Variants in MAP4K3 observed in about 807,000 individuals in gnomAD.
MAP4K3 encodes the protein mitogen-activated protein kinase kinase kinase kinase 3.
Under a neutral mutation model 143.5 loss-of-function variants are expected in MAP4K3, and 94 were observed. That is an observed-to-expected ratio of 0.65 (90% CI 0.55 to 0.78). MAP4K3 has a LOEUF of 0.78. MAP4K3 is among the 30% of genes least tolerant of loss of function. The probability of loss-of-function intolerance (pLI) is 0.00; values close to 1 mark genes in which losing one functional copy is unlikely to be tolerated. For synonymous variants in MAP4K3, 416 were observed against 347.2 expected, an observed-to-expected ratio of 1.20 and a Z score of -2.20; for missense variants, 1,077 against 1,068.1, an observed-to-expected ratio of 1.01 and a Z score of -0.12.
At chr2:39,358,973 T>C (rs1180700462) in intron 2 of MAP4K3, among the ~76,000 whole-genome samples, 2 of 152,146 alleles carry the variant, frequency 1.3e-5, no homozygotes, top group African/African-American at 2.4e-5. Context: ...TGTCCTCACA[T>C]TTCAAGTCAC....
At chr2:39,265,617 C>G (rs984571732) in intron 27 of MAP4K3, among the ~76,000 whole-genome samples, 1 of 152,106 alleles carries the variant, frequency 6.6e-6, no homozygotes, top group African/African-American at 2.4e-5. Flanking sequence ...CCTGAGGTGG[C>G]AACATTCTGA....
chr2:39,312,120 G>A (rs1278857501), intron 13 of MAP4K3, among the ~76,000 whole-genome samples: 1 of 152,104 alleles, frequency 6.6e-6, no homozygotes, highest in Admixed American at 6.5e-5. Flanking sequence ...GCTAAATTTT[G>A]GGTTTGCTAC....
At chr2:39,251,725 G>T in intron 33 of MAP4K3, 105 bp downstream of exon 33, 3 of 920,964 alleles carry the variant, frequency 3.3e-6, no homozygotes, top group East Asian at 2.5e-5. Context: ...ATTCAATGTT[G>T]AACATATTGC....
intron 3 of MAP4K3, among the ~76,000 whole-genome samples, chr2:39,349,216 T>C (rs1665380841): frequency 6.6e-6 from 1 of 152,348 alleles, no homozygotes; most frequent in African/African-American, 2.4e-5. Context: ...AACTGCTAGA[T>C]GTTTTAATAT....
chr2:39,275,630 C>T (rs977681725), intron 24 of MAP4K3, among the ~76,000 whole-genome samples: 5 of 151,912 alleles, frequency 3.3e-5, no homozygotes, highest in Non-Finnish European at 7.4e-5. Context: ...AAAATATGAC[C>T]ACCTTTGAAT....
At chr2:39,275,251 A>G (rs1301998749) in intron 24 of MAP4K3, among the ~76,000 whole-genome samples, 1 of 152,168 alleles carries the variant, frequency 6.6e-6, no homozygotes, top group Non-Finnish European at 1.5e-5. Flanking sequence ...CTGGGTGGGT[A>G]AGGCAGAAGG....
chr2:39,307,273 A>C (rs1277284109), intron 15 of MAP4K3, among the ~76,000 whole-genome samples: 2 of 152,158 alleles, frequency 1.3e-5, no homozygotes, highest in Non-Finnish European at 2.9e-5. Context: ...AACTATTAAA[A>C]GTATTATTTA....
chr2:39,250,645 G>A lies in MAP4K3; in HGVS notation c.2658C>T (p.Ile886=), dbSNP rs766168735. The change falls in exon 34 of 34, where the codon ATC becomes ATT. Residue 886 remains isoleucine (I), a synonymous_variant. Transcript: ENST00000263881. ...DNPTANSNLY[I]LAGHENSY ...AGTAACTGTTTTCATGACCCGCCAG[G>A]ATGTACAAATTGCTATTTGCTGTGG... The A allele has an allele frequency of 6.2e-7, 1 of 1,613,830 alleles. No individual in the cohort carries two copies. Among genetic ancestry groups the A allele is most frequent in the Non-Finnish European group, 8.5e-7 (1 of 1,179,818 alleles).
chr2:39,405,422 A>G (rs911472313), intron 1 of MAP4K3, among the ~76,000 whole-genome samples: 1 of 152,190 alleles, frequency 6.6e-6, no homozygotes, highest in African/African-American at 2.4e-5. Flanking sequence ...GTCCTTTTGA[A>G]TATCTGCAAG....
At chr2:39,344,357 G>T (rs1665225706) in intron 3 of MAP4K3, among the ~76,000 whole-genome samples, 1 of 152,150 alleles carries the variant, frequency 6.6e-6, no homozygotes, top group Non-Finnish European at 1.5e-5. Flanking sequence ...ATTTTAAAAT[G>T]GCTGGGAATG....
chr2:39,254,806 C>CT lies in MAP4K3; in HGVS notation c.2471-287dup, dbSNP rs1336223054. Among the ~76,000 whole-genome samples, 3 of 152,252 alleles carry CT rather than the reference C, an allele frequency of 2.0e-5. No individual in the cohort carries two copies. The East Asian group carries it at 5.8e-4, about 29-fold the overall frequency. On this transcript the variant is annotated intron_variant, in intron 31 of 33. Transcript: ENST00000263881. ...TGTTGGCCAGGCTAGTCTCAAACTC[C>CT]TGGCCTCAAGTGATCTGCCTGCCTC...
At chr2:39,309,553 T>TA (rs1352550124) in intron 13 of MAP4K3, 34 bp from the exon 14 acceptor site, 10 of 1,099,274 alleles carry the variant, frequency 9.1e-6, no homozygotes, top group Non-Finnish European at 8.7e-6. Context: ...CCAGGATTTT[T>TA]TTTTTTTTTT....
At chr2:39,408,370 C>T (rs1667151182) in intron 1 of MAP4K3, among the ~76,000 whole-genome samples, 1 of 151,914 alleles carries the variant, frequency 6.6e-6, no homozygotes, top group Non-Finnish European at 1.5e-5. Flanking sequence ...ATCAGGGGGT[C>T]ATAAGGACCT....
chr2:39,349,368 G>T (rs1194312214), intron 3 of MAP4K3, among the ~76,000 whole-genome samples: 1 of 152,018 alleles, frequency 6.6e-6, no homozygotes, highest in Non-Finnish European at 1.5e-5. Flanking sequence ...GAGGGGTAAG[G>T]ATGCTGTACT....
chr2:39,265,949 A>C (rs1680746020), intron 27 of MAP4K3, among the ~76,000 whole-genome samples: 1 of 152,204 alleles, frequency 6.6e-6, no homozygotes, highest in Non-Finnish European at 1.5e-5. Context: ...AATAAAGATA[A>C]AAAAACTGAA....
chr2:39,278,159 C>G (rs13015356), intron 24 of MAP4K3, among the ~76,000 whole-genome samples: 103,571 of 151,050 alleles, frequency 0.69, 39,597 homozygotes, highest in Non-Finnish European at 0.85. Context: ...GTGCGTGCCT[C>G]TACTCCCAGC....
chr2:39,352,666 G>C (rs530558612), intron 3 of MAP4K3, among the ~76,000 whole-genome samples: 3 of 152,266 alleles, frequency 2.0e-5, no homozygotes, highest in African/African-American at 7.2e-5. Flanking sequence ...GAAAGGTCTT[G>C]TTAAGAAGAA....
At chr2:39,266,768 G>C (rs1356540321) in intron 27 of MAP4K3, among the ~76,000 whole-genome samples, 1 of 152,034 alleles carries the variant, frequency 6.6e-6, no homozygotes. Flanking sequence ...ATTGGGGTGG[G>C]GGAGGAATTT....
At chr2:39,286,773 A>G in intron 21 of MAP4K3, 79 bp downstream of exon 21, 1 of 694,532 alleles carries the variant, frequency 1.4e-6, no homozygotes, top group East Asian at 2.7e-5. Flanking sequence ...CTATAGTGTC[A>G]CTAATTGTAA....
Sources: allele counts gnomAD v4.1 joint callset (sites outside exome capture counted in the v4.1 genomes callset), GRCh38; gene constraint gnomAD v4.1.1; transcripts MANE v1.5; gene names NCBI Gene and HGNC (gene_info 2026-07-23, HGNC 2026-07-21).